SUN3: variants seen among roughly 807,000 people sequenced by gnomAD.
SUN3 encodes the protein Sad1 and UNC84 domain containing 3, also known as SUN domain-containing protein 3.
In SUN3, 36 loss-of-function variants were observed where a neutral mutation model predicts 48.2. The ratio of observed to expected loss-of-function variants is 0.75; its 90% confidence interval spans 0.57 to 0.99. The LOEUF is 0.99. SUN3 is among the 50% of genes least tolerant of loss of function. The pLI is 0.00. For missense variants in SUN3, 419 were observed against 433.1 expected, an observed-to-expected ratio of 0.97 and a Z score of 0.29; for synonymous variants, 148 against 147.9, an observed-to-expected ratio of 1.00 and a Z score of 0.00.
At position 48,028,805 on chromosome 7, in the gene SUN3, A is replaced by C. The variant is rs756857420; in HGVS notation, c.122+12T>G. On this transcript the variant is annotated intron_variant, in intron 1 of 9. Coordinates refer to ENST00000297325, the MANE Select transcript of SUN3 (RefSeq NM_001030019.2). Reference sequence around the variant, plus strand: ...ACAATTTCAGGCACACCGTTCTGCCATGTTTACCTACCCATTCGCATCAGG... The same window carrying C: ...ACAATTTCAGGCACACCGTTCTGCCCTGTTTACCTACCCATTCGCATCAGG... 6.2e-7 allele frequency: 1 copy of C among 1,613,410 alleles called. No homozygotes were observed. The highest frequency in any genetic ancestry group is 8.5e-7 in the Non-Finnish European group (1 of 1,179,470).
intron 5 of SUN3, 52 bp downstream of exon 5, chr7:48,007,113 C>A: frequency 6.4e-7 from 1 of 1,557,238 alleles, no homozygotes; most frequent in South Asian, 1.2e-5. Context: ...CCCTGGACAT[C>A]CGCGCTAACC....
intron 3 of SUN3, among the ~76,000 whole-genome samples, chr7:48,009,437 C>T (rs17132020): frequency 0.02 from 3,117 of 152,138 alleles, 90 homozygotes; most frequent in African/African-American, 0.069. Context: ...GGAAGACAAG[C>T]GGGAGAGGCG....
At chr7:48,011,152 G>C (rs1334263236) in intron 3 of SUN3, among the ~76,000 whole-genome samples, 1 of 152,186 alleles carries the variant, frequency 6.6e-6, no homozygotes, top group Admixed American at 6.5e-5. Flanking sequence ...CACATTCACA[G>C]TTTCTTGGGG....
At chr7:48,025,110 T>C (rs772789610) in intron 2 of SUN3, among the ~76,000 whole-genome samples, 18 of 152,172 alleles carry the variant, frequency 1.2e-4, no homozygotes, top group Non-Finnish European at 1.8e-4. Context: ...TACACACTTA[T>C]GCACAGCATC....
intron 3 of SUN3, among the ~76,000 whole-genome samples, chr7:48,014,495 TA>T (rs959939085): frequency 6.6e-6 from 1 of 152,188 alleles, no homozygotes; most frequent in African/African-American, 2.4e-5. Context: ...GATGAGTGTC[TA>T]AAATAAAGCA....
chr7:48,023,882 T>C (rs959490149), intron 2 of SUN3, among the ~76,000 whole-genome samples: 1 of 152,190 alleles, frequency 6.6e-6, no homozygotes. Context: ...TACTGGATAA[T>C]GATAGACATA....
chr7:47,989,067 G>C (rs6978458), intron 8 of SUN3, 187 bp from the exon 9 acceptor site: 13 of 416,804 alleles, frequency 3.1e-5, no homozygotes, highest in Non-Finnish European at 4.7e-5. Flanking sequence ...GGCTGATCAC[G>C]GGACTGACTA....
At chr7:47,989,857 G>T (rs1789001745) in intron 8 of SUN3, among the ~76,000 whole-genome samples, 1 of 152,200 alleles carries the variant, frequency 6.6e-6, no homozygotes, top group Non-Finnish European at 1.5e-5. Flanking sequence ...AGGTTAAATG[G>T]ATTAAGGGCT....
chr7:48,003,750 T>G (rs764872837), intron 6 of SUN3, among the ~76,000 whole-genome samples: 2 of 152,232 alleles, frequency 1.3e-5, no homozygotes, highest in African/African-American at 2.4e-5. Context: ...TTTTGCACAT[T>G]GATTTTGCAT....
At chr7:47,991,259 T>C (rs1337886639) in intron 8 of SUN3, among the ~76,000 whole-genome samples, 2 of 149,970 alleles carry the variant, frequency 1.3e-5, no homozygotes, top group African/African-American at 4.9e-5. Context: ...ATAAATTCTT[T>C]AATGTAGAAG....
At chr7:48,029,479 T>C (rs536624271), upstream of SUN3, among the ~76,000 whole-genome samples, 95 of 152,348 alleles carry the variant, frequency 6.2e-4, 1 homozygote, top group African/African-American at 2.1e-3. Context: ...AATAATACCA[T>C]TTTCATGCTT....
intron 2 of SUN3, among the ~76,000 whole-genome samples, chr7:48,021,276 C>T (rs1915964): frequency 0.33 from 50,789 of 151,958 alleles, 9,508 homozygotes; most frequent in Middle Eastern, 0.53. Flanking sequence ...GGATTAAAGG[C>T]TTAAATCTAA....
chr7:48,030,539 G>A (rs1428336039), upstream of SUN3, among the ~76,000 whole-genome samples: 1 of 152,142 alleles, frequency 6.6e-6, no homozygotes, highest in Admixed American at 6.5e-5. Context: ...TATAAACTGT[G>A]CTCTGCATCT....
chr7:48,014,436 C>T (rs1037523913), intron 3 of SUN3, among the ~76,000 whole-genome samples: 3 of 152,186 alleles, frequency 2.0e-5, no homozygotes, highest in Non-Finnish European at 4.4e-5. Flanking sequence ...TTGATCATTA[C>T]ATTTTAGTTA....
rs112478893 is a variant in SUN3, at chr7:47,993,345, A to C, written c.861+970T>G. ...AACAAAAACTCATGTCCACACAAAA[A>C]CTTGTACATGAATGTTTGTTGAAGC... is the stretch of plus-strand genomic sequence containing the variant. On this transcript the variant is annotated intron_variant, in intron 8 of 9. Coordinates refer to ENST00000297325, the MANE Select transcript of SUN3 (RefSeq NM_001030019.2). Among the ~76,000 whole-genome samples the C allele has an allele frequency of 3.0e-3, 464 of 152,308 alleles. 6 individuals carry two copies. The highest frequency in any genetic ancestry group is 0.01 in the African/African-American group (425 of 41,560).
chr7:48,001,263 A>C (rs760292248), intron 6 of SUN3, among the ~76,000 whole-genome samples: 1 of 151,956 alleles, frequency 6.6e-6, no homozygotes, highest in Non-Finnish European at 1.5e-5. Flanking sequence ...AATAGGCCCC[A>C]GTGTGTGTTG....
At chr7:47,996,278 G>C (rs1466604758) in intron 6 of SUN3, 132 bp from the exon 7 acceptor site, 5 of 535,856 alleles carry the variant, frequency 9.3e-6, no homozygotes, top group South Asian at 9.1e-5. Context: ...TCATACTCAG[G>C]AATTGATAGG....
At chr7:47,999,366 G>A (rs542926045) in intron 6 of SUN3, among the ~76,000 whole-genome samples, 1 of 151,786 alleles carries the variant, frequency 6.6e-6, no homozygotes, top group Admixed American at 6.5e-5. Context: ...TTTTTTTGGT[G>A]GTTTTTCTAC....
At position 48,006,064 on chromosome 7, in the gene SUN3, T is replaced by C; in HGVS notation, c.493-11A>G. ...CAAGTTTGACACTTCCTGTAGAAAT[T>C]TTATAAACAGTTTTCTGTTAACAAT... On this transcript the variant is annotated splice_polypyrimidine_tract_variant and intron_variant, in intron 5 of 9. Coordinates refer to ENST00000297325, the MANE Select transcript of SUN3 (RefSeq NM_001030019.2). 6.5e-7 allele frequency: 1 copy of C among 1,547,990 alleles called. No individual in the cohort carries two copies. The highest frequency in any genetic ancestry group is 8.8e-7 in the Non-Finnish European group (1 of 1,129,984).
Sources: gnomAD v4.1 joint callset for allele counts (sites outside exome capture counted in the v4.1 genomes callset) on GRCh38, gnomAD v4.1.1 for gene constraint, MANE v1.5 for transcripts, NCBI Gene and HGNC (gene_info 2026-07-23, HGNC 2026-07-21) for gene names.